Variants in GAPVD1 observed in about 807,000 individuals in gnomAD.
GAPVD1 encodes the protein GTPase-activating protein and VPS9 domain-containing protein 1.
In GAPVD1, 35 loss-of-function variants were observed where a neutral mutation model predicts 155.5. That is an observed-to-expected ratio of 0.23 (90% CI 0.17 to 0.30). GAPVD1 has a LOEUF of 0.30. Ranked by LOEUF, GAPVD1 falls within the 10% of genes least tolerant of loss-of-function variation. The pLI is 1.00. For missense variants in GAPVD1, 1,429 were observed against 1,775.7 expected (o/e 0.80, Z 3.51); for synonymous variants, 636 against 619.7 (o/e 1.03, Z -0.39).
chr9:125,346,986 A>G (rs989930845), intron 20 of GAPVD1, 45 bp downstream of exon 20: 3 of 1,593,924 alleles, frequency 1.9e-6, no homozygotes, highest in Non-Finnish European at 2.6e-6. Context: ...TTTATATCAT[A>G]GTGATAAAGG....
chr9:125,298,937 A>G lies in GAPVD1; in HGVS notation c.16A>G (p.Ile6Val). 1 of 1,602,680 alleles carries G rather than the reference A, an allele frequency of 6.2e-7. No homozygotes were observed. The highest frequency in any genetic ancestry group is 8.5e-7 in the Non-Finnish European group (1 of 1,175,276). MVKLD[I>V]HTLAHHLKQE... Reference sequence around the variant, plus strand: ...CACATTGAAGATGGTGAAACTAGATATTCATACTCTGGCTCATCACCTCAA... The same window carrying G: ...CACATTGAAGATGGTGAAACTAGATGTTCATACTCTGGCTCATCACCTCAA... The change falls in exon 4 of 28, where the codon ATT becomes GTT. Residue 6 changes from isoleucine (I) to valine (V), a missense_variant. By Grantham distance (29) the Ile-to-Val change is conservative. This residue lies in a region of GAPVD1 where 628 missense variants were observed against 733.4 expected (regional missense o/e 0.86). Coordinates refer to ENST00000297933, the MANE Select transcript of GAPVD1 (RefSeq NM_001282680.3).
chr9:125,338,929 TTGTG>T (rs144909106), intron 17 of GAPVD1, among the ~76,000 whole-genome samples: 3,248 of 146,704 alleles, frequency 0.022, 103 homozygotes, highest in African/African-American at 0.073. Context: ...TTAAAAAAAT[TTGTG>T]TGTGTGTGTG....
At chr9:125,264,036 T>A in intron 1 of GAPVD1, 1 of 1,144,826 alleles carries the variant, frequency 8.7e-7, no homozygotes, top group Admixed American at 1.7e-5. Context: ...ACATCCTTCT[T>A]GGCCACCATG....
chr9:125,304,902 A>G (rs1841528829), intron 5 of GAPVD1, among the ~76,000 whole-genome samples, 161 bp from the exon 6 acceptor site: 1 of 152,242 alleles, frequency 6.6e-6, no homozygotes, highest in Non-Finnish European at 1.5e-5. Flanking sequence ...CATAAGGTAC[A>G]CATTTTTTGG....
intron 9 of GAPVD1, among the ~76,000 whole-genome samples, chr9:125,317,816 G>T (rs77988780): frequency 0.013 from 1,964 of 151,702 alleles, 103 homozygotes; most frequent in East Asian, 0.088. Context: ...TCAATAAAGG[G>T]GTAGAAATTA....
intron 1 of GAPVD1, among the ~76,000 whole-genome samples, chr9:125,265,734 G>A (rs1344335282): frequency 7.0e-6 from 1 of 143,746 alleles, no homozygotes; most frequent in African/African-American, 2.6e-5. Context: ...CATGTCTGAC[G>A]ATATCAAATG....
chr9:125,294,102 T>C (rs974648555), intron 2 of GAPVD1, among the ~76,000 whole-genome samples: 2 of 150,588 alleles, frequency 1.3e-5, no homozygotes, highest in Non-Finnish European at 3.0e-5. Flanking sequence ...TAAGTGGAGA[T>C]AGGGTTTCAC....
chr9:125,290,581 T>G (rs191107053), intron 2 of GAPVD1, among the ~76,000 whole-genome samples: 2 of 152,158 alleles, frequency 1.3e-5, no homozygotes, highest in African/African-American at 4.8e-5. Flanking sequence ...GGAAGAGGTG[T>G]TGGAAGTTTG....
chr9:125,291,969 C>T (rs1001631904), intron 2 of GAPVD1, among the ~76,000 whole-genome samples: 5 of 151,926 alleles, frequency 3.3e-5, no homozygotes, highest in Non-Finnish European at 7.4e-5. Context: ...GTGCCAGGCA[C>T]GGTGACTCAC....
intron 2 of GAPVD1, among the ~76,000 whole-genome samples, chr9:125,286,174 C>T (rs918259131): frequency 2.8e-4 from 42 of 152,046 alleles, no homozygotes; most frequent in Admixed American, 2.5e-3. Context: ...AGTGCAGTGG[C>T]GCAATTATAG....
rs1306857737 is a variant in GAPVD1, at chr9:125,293,869, TATATATATATATA to T, written c.-149-1588_-149-1576del. Among the ~76,000 whole-genome samples, 65 of 21,188 alleles carry T rather than the reference TATATATATATATA, an allele frequency of 3.1e-3. 2 individuals carry two copies. Among genetic ancestry groups the T allele is most frequent in the African/African-American group, 0.015 (63 of 4,168 alleles). 13.9% of individuals were successfully genotyped at this position (21,188 alleles called of 152,430 possible). On this transcript the variant is annotated intron_variant, in intron 2 of 27. Coordinates refer to ENST00000297933, the MANE Select transcript of GAPVD1 (RefSeq NM_001282680.3). Reference sequence around the variant, plus strand: ...AATATATTTTATATATATATATATATATATATATATATATATATATATATATATATATATAAGT... The same window carrying T: ...AATATATTTTATATATATATATATATTATATATATATATATATATATAAGT...
In GAPVD1 at chr9:125,321,456, T is replaced by G; in HGVS notation, c.1626T>G (p.Asp542Glu). ...AGGTCCTAAACATGCAGCTTTCGGA[T>G]GGAGGACAAGGAGATGTCCCTGTTG... ...ENEVLNMQLS[D>E]GGQGDVPVDE... The change falls in exon 10 of 28, where the codon GAT becomes GAG. Residue 542 changes from aspartate (D) to glutamate (E), a missense_variant. Asp to Glu is a conservative substitution (Grantham distance 45, BLOSUM62 2). Coordinates refer to ENST00000297933, the MANE Select transcript of GAPVD1 (RefSeq NM_001282680.3). 2.5e-6 allele frequency: 4 copies of G among 1,612,926 alleles called. No homozygotes were observed. The highest frequency in any genetic ancestry group is 3.4e-6 in the Non-Finnish European group (4 of 1,179,104).
chr9:125,279,019 C>T (rs1003425624), intron 2 of GAPVD1, among the ~76,000 whole-genome samples: 3 of 151,906 alleles, frequency 2.0e-5, no homozygotes, highest in Admixed American at 2.0e-4. Context: ...TGAGACCAGC[C>T]TGGCCAATAT....
Position 125,360,474 on chromosome 9 carries a change from G to T in GAPVD1, c.4045-54G>T, listed in dbSNP as rs1480813447. On this transcript the variant is annotated intron_variant, in intron 26 of 27. Transcript: ENST00000297933. Reference sequence around the variant, plus strand: ...TGACACGGAGGTTGCAGTAGTCACTGCGCAGGGTTGCCACTGGATTCAGAA... The same window carrying T: ...TGACACGGAGGTTGCAGTAGTCACTTCGCAGGGTTGCCACTGGATTCAGAA... The T allele has an allele frequency of 1.5e-5, 21 of 1,437,310 alleles. No homozygotes were observed. The East Asian group carries it at 4.8e-4, about 33-fold the overall frequency. 89.0% of individuals were successfully genotyped at this position (1,437,310 alleles called of 1,614,324 possible).
At chr9:125,286,673 A>G (rs138862379) in intron 2 of GAPVD1, among the ~76,000 whole-genome samples, 5 of 152,288 alleles carry the variant, frequency 3.3e-5, no homozygotes, top group East Asian at 1.9e-4. Flanking sequence ...ATGTTTGGCC[A>G]TGGTTTGGGG....
chr9:125,350,806 G>A lies in GAPVD1; in HGVS notation c.3503G>A (p.Arg1168His), dbSNP rs773591521. The change falls in exon 23 of 28, where the codon CGC (arginine) becomes CAC (histidine). Residue 1168 changes from arginine to histidine, a missense_variant. Around this residue, in one of 4 missense-constraint regions of GAPVD1, gnomAD observed 699 missense variants for 826.0 expected, o/e 0.85. Coordinates refer to ENST00000297933, the MANE Select transcript of GAPVD1 (RefSeq NM_001282680.3). ...ATGGCTCAACTTCAAGAAACAATGC[G>A]CTGTGTGTGCCGTTTTGATAATAGG... is the stretch of plus-strand genomic sequence containing the variant. ...NLMAQLQETMRCVCRFDNRTC... is the reference protein window; with the variant it reads ...NLMAQLQETMHCVCRFDNRTC... 7 of 1,612,962 alleles carry A rather than the reference G, an allele frequency of 4.3e-6. No homozygotes were observed. The highest frequency in any genetic ancestry group is 3.3e-5 in the Admixed American group (2 of 60,024).
At position 125,307,361 on chromosome 9, in the gene GAPVD1, G is replaced by A. The variant is rs181695661; in HGVS notation, c.1117-52G>A. On this transcript the variant is annotated intron_variant, in intron 6 of 27. Coordinates refer to ENST00000297933, the MANE Select transcript of GAPVD1 (RefSeq NM_001282680.3). ...CTTGTCCACCTTAATGAGAAATTTC[G>A]TTCCAGTATTTTAAAGGGAAATGTT... 111 of 1,318,204 alleles carry A rather than the reference G, an allele frequency of 8.4e-5. No homozygotes were observed. The Admixed American group carries it at 9.3e-4, about 11-fold the overall frequency. The allele number at this position is 1,318,204 out of a possible 1,614,324, so 81.7% of individuals were successfully genotyped here.
intron 12 of GAPVD1, 59 bp downstream of exon 12, chr9:125,326,648 T>A (rs1845219969): frequency 8.1e-7 from 1 of 1,234,830 alleles, no homozygotes. Flanking sequence ...TCCACCAACC[T>A]TTCATGGGAG....
chr9:125,360,894 C>T (rs879010223), intron 27 of GAPVD1, among the ~76,000 whole-genome samples, 169 bp downstream of exon 27: 1 of 152,204 alleles, frequency 6.6e-6, no homozygotes, highest in Non-Finnish European at 1.5e-5. Context: ...CAGAATCTCA[C>T]TCTGTCACCC....
Sources: allele counts gnomAD v4.1 joint callset (sites outside exome capture counted in the v4.1 genomes callset), GRCh38; gene constraint gnomAD v4.1.1; regional missense constraint gnomAD v4.1.1; transcripts MANE v1.5; gene names NCBI Gene and HGNC (gene_info 2026-07-23, HGNC 2026-07-21).